Variants in SERPINA9 observed in about 807,000 individuals in gnomAD.
SERPINA9 encodes the protein serpin A9.
SERPINA9 carries 32 observed loss-of-function variants against 24.5 expected under a neutral mutation model. The observed-to-expected ratio is 1.30, with a 90% confidence interval of 0.98 to 1.75. The LOEUF (loss-of-function observed/expected upper bound fraction) is 1.75. SERPINA9 is among the 40% of genes most tolerant of loss of function. The probability of loss-of-function intolerance (pLI) is 0.00; values close to 1 mark genes in which losing one functional copy is unlikely to be tolerated. For missense variants in SERPINA9, 594 were observed against 497.1 expected (o/e 1.19, Z -1.85); for synonymous variants, 233 against 197.7 (o/e 1.18, Z -1.50).
intron 1 of SERPINA9, among the ~76,000 whole-genome samples, chr14:94,474,531 G>A (rs1055323479): frequency 1.3e-5 from 2 of 152,146 alleles, no homozygotes; most frequent in Non-Finnish European, 2.9e-5. Context: ...CTCTCTTGGG[G>A]GAAAACCGTG....
chr14:94,466,986 G>A (rs1262392634), intron 3 of SERPINA9, 123 bp downstream of exon 3: 4 of 1,083,870 alleles, frequency 3.7e-6, no homozygotes, highest in East Asian at 2.4e-5. Context: ...TCTCTGTCCT[G>A]CATGCAGTTG....
At chr14:94,464,076 G>A (rs1054612574) in intron 4 of SERPINA9, among the ~76,000 whole-genome samples, 2 of 152,142 alleles carry the variant, frequency 1.3e-5, no homozygotes, top group African/African-American at 2.4e-5. Flanking sequence ...GAGACTTCTT[G>A]TAAGAGCATG....
chr14:94,473,455 G>T (rs61978261), intron 1 of SERPINA9, among the ~76,000 whole-genome samples: 36,849 of 146,624 alleles, frequency 0.25, 4,664 homozygotes, highest in Middle Eastern at 0.37. Context: ...GGAGGCGGAA[G>T]TTGCAGTGAG....
In SERPINA9 at chr14:94,469,388, A is replaced by C. The variant is rs763478766; in HGVS notation, c.453T>G (p.Asn151Lys). Residue 151 changes from asparagine to lysine, a missense_variant, in exon 2 of 5, where the codon AAT (asparagine) becomes AAG (lysine). Transcript: ENST00000674397. ...ELQLQANFLG[N>K]VKRLYEAEVF... Reference sequence around the variant, plus strand: ...CTTCTGCTTCATACAGCCTCTTGACATTGCCCAAGAAATTTGCCTGCAGCT... The same window carrying C: ...CTTCTGCTTCATACAGCCTCTTGACCTTGCCCAAGAAATTTGCCTGCAGCT... 3 of 1,614,116 alleles carry C rather than the reference A, an allele frequency of 1.9e-6. No individual in the cohort carries two copies. The South Asian group carries it at 3.3e-5, about 18-fold the overall frequency.
rs773764334 is a variant in SERPINA9, at chr14:94,464,826, A to G, written c.931T>C (p.Ser311Pro). 6.2e-7 allele frequency: 1 copy of G among 1,613,904 alleles called. No homozygotes were observed. Among genetic ancestry groups the G allele is most frequent in the Non-Finnish European group, 8.5e-7 (1 of 1,179,808 alleles). The part of the protein sequence containing the change: ...RWIEVFIPRF[S>P]ISASYNLETI... ...TCCAGATTGTAGGAGGCAGAAATGGAAAATCTGGGGATGAACACCTCTATC... is the reference window on the plus strand; with the variant it reads ...TCCAGATTGTAGGAGGCAGAAATGGGAAATCTGGGGATGAACACCTCTATC... Residue 311 changes from serine to proline, a missense_variant, in exon 4 of 5, where the codon TCC becomes CCC. Ser to Pro is a moderately conservative substitution (Grantham distance 74). Coordinates refer to ENST00000674397, the MANE Select transcript of SERPINA9 (RefSeq NM_175739.4).
intron 4 of SERPINA9, 54 bp from the exon 5 acceptor site, chr14:94,463,350 C>T: frequency 6.7e-7 from 1 of 1,483,772 alleles, no homozygotes; most frequent in South Asian, 1.1e-5. Context: ...TTTTACTTAA[C>T]TGAGTAAACT....
chr14:94,475,384 T>C (rs568285512), intron 1 of SERPINA9, among the ~76,000 whole-genome samples: 2 of 152,140 alleles, frequency 1.3e-5, no homozygotes, highest in Admixed American at 6.5e-5. Flanking sequence ...CCCACCCTGC[T>C]ACATGTGTGC....
At chr14:94,465,135 A>C (rs1250130978) in intron 3 of SERPINA9, among the ~76,000 whole-genome samples, 1 of 152,340 alleles carries the variant, frequency 6.6e-6, no homozygotes, top group East Asian at 1.9e-4. Context: ...GGCAGAAACC[A>C]ACAGGAGACG....
Position 94,469,438 on chromosome 14 carries a change from C to A in SERPINA9, c.403G>T (p.Ala135Ser). The A allele has an allele frequency of 6.2e-7, 1 of 1,614,190 alleles. No homozygotes were observed. The highest frequency in any genetic ancestry group is 8.5e-7 in the Non-Finnish European group (1 of 1,180,040). The change falls in exon 2 of 5, where the codon GCC becomes TCC. Residue 135 changes from alanine (A) to serine (S), a missense_variant. By Grantham distance (99) the Ala-to-Ser change is moderately conservative. Transcript: ENST00000674397. The part of the protein sequence containing the change: ...SKDLTLKMGS[A>S]LFVKKELQLQ... ...TGCAGCTCCTTCTTGACGAAGAGGG[C>A]ACTTCCCATCTTCAAGGTCAGGTCT...
intron 1 of SERPINA9, among the ~76,000 whole-genome samples, chr14:94,473,932 A>G (rs1167885431): frequency 6.6e-6 from 1 of 152,264 alleles, no homozygotes; most frequent in African/African-American, 2.4e-5. Flanking sequence ...AGGAAGGGCG[A>G]GACAACGTCT....
intron 3 of SERPINA9, among the ~76,000 whole-genome samples, chr14:94,465,730 T>G (rs1266754155): frequency 1.3e-5 from 2 of 152,160 alleles, no homozygotes; most frequent in Admixed American, 6.5e-5. Flanking sequence ...GGTTTCACCG[T>G]GTTGCCCAGG....
chr14:94,469,878 A>T (rs1286888613), intron 1 of SERPINA9, 21 bp from the exon 2 acceptor site: 1 of 1,500,584 alleles, frequency 6.7e-7, no homozygotes, highest in East Asian at 2.3e-5. Flanking sequence ...AGTAAGAACC[A>T]TTGAGGGGGT....
Position 94,462,811 on chromosome 14 carries a change from C to A in SERPINA9, c.*282G>T, listed in dbSNP as rs895101127. On this transcript the variant is annotated 3_prime_UTR_variant, in exon 5 of 5. Transcript: ENST00000674397. ...TAACCTGGGTTGGCGTATTTCCATT[C>A]CTGGGAGCCCCAAGGAATGGAAATA... 2.0e-5 allele frequency: 8 copies of A among 408,740 alleles called. No individual in the cohort carries two copies. Among genetic ancestry groups the A allele is most frequent in the Non-Finnish European group, 3.6e-5 (8 of 221,282 alleles). 25.3% of individuals were successfully genotyped at this position (408,740 alleles called of 1,614,324 possible). A position where few individuals can be genotyped will look rare whatever the true frequency, so the allele number is the denominator to read the frequency against.
chr14:94,470,389 G>C (rs991096533), intron 1 of SERPINA9, among the ~76,000 whole-genome samples: 2 of 152,152 alleles, frequency 1.3e-5, no homozygotes, highest in Admixed American at 6.5e-5. Flanking sequence ...GGAGCAAAAG[G>C]CTGTCCTTTT....
At chr14:94,469,965 G>A (rs1274231911) in intron 1 of SERPINA9, 108 bp from the exon 2 acceptor site, 6 of 901,930 alleles carry the variant, frequency 6.7e-6, no homozygotes, top group Non-Finnish European at 9.8e-6. Flanking sequence ...GGACAGATAG[G>A]CCAGTTAGCA....
At chr14:94,475,761 G>C in intron 1 of SERPINA9, among the ~76,000 whole-genome samples, 1 of 152,264 alleles carries the variant, frequency 6.6e-6, no homozygotes, top group East Asian at 1.9e-4. Context: ...TTTGGAAACT[G>C]TTCAAGTCTT....
At chr14:94,464,140 T>A (rs1316630172) in intron 4 of SERPINA9, among the ~76,000 whole-genome samples, 1 of 152,212 alleles carries the variant, frequency 6.6e-6, no homozygotes, top group African/African-American at 2.4e-5. Context: ...CACTCATAGC[T>A]CAGCTCCTGT....
At chr14:94,473,033 G>A (rs1899399373) in intron 1 of SERPINA9, among the ~76,000 whole-genome samples, 1 of 152,308 alleles carries the variant, frequency 6.6e-6, no homozygotes, top group East Asian at 1.9e-4. Context: ...ACCCACTGGG[G>A]GATGGCTGCA....
chr14:94,464,082 G>A (rs1387323900), intron 4 of SERPINA9, among the ~76,000 whole-genome samples: 1 of 152,186 alleles, frequency 6.6e-6, no homozygotes, highest in African/African-American at 2.4e-5. Context: ...TCTTGTAAGA[G>A]CATGGGGTGC....
Sources: gnomAD v4.1 joint callset for allele counts (sites outside exome capture counted in the v4.1 genomes callset) on GRCh38, gnomAD v4.1.1 for gene constraint, MANE v1.5 for transcripts, NCBI Gene and HGNC (gene_info 2026-07-23, HGNC 2026-07-21) for gene names.